RGS17: variants seen among roughly 807,000 people sequenced by gnomAD.
RGS17 encodes regulator of G-protein signaling 17.
RGS17 carries 12 observed loss-of-function variants against 25.5 expected under a neutral mutation model. The observed-to-expected ratio is 0.47, with a 90% confidence interval of 0.30 to 0.76. RGS17 has a LOEUF of 0.76. Among genes scored for constraint, RGS17 ranks in the 30% least tolerant of loss-of-function variants. The pLI is 0.07. For synonymous variants in RGS17, 71 were observed against 76.9 expected, an observed-to-expected ratio of 0.92 and a Z score of 0.40; for missense variants, 196 against 242.2, an observed-to-expected ratio of 0.81 and a Z score of 1.27.
chr6:153,115,616 A>G (rs1245698176), intron 1 of RGS17, among the ~76,000 whole-genome samples: 1 of 152,220 alleles, frequency 6.6e-6, no homozygotes, highest in Non-Finnish European at 1.5e-5. Flanking sequence ...CGTATAGCCA[A>G]GACAATCCTA....
At chr6:153,115,521 T>C (rs574775557) in intron 1 of RGS17, among the ~76,000 whole-genome samples, 2 of 152,324 alleles carry the variant, frequency 1.3e-5, no homozygotes, top group Non-Finnish European at 2.9e-5. Flanking sequence ...ATAGATTCAA[T>C]GCTATCCCCA....
chr6:153,128,513 C>A lies in RGS17; in HGVS notation c.-26+2611G>T, dbSNP rs377002071. Among the ~76,000 whole-genome samples the A allele has an allele frequency of 4.6e-5, 7 of 152,260 alleles. No individual in the cohort carries two copies. In the East Asian group the frequency reaches 7.7e-4, roughly 17 times the overall value. The stretch of plus-strand genomic sequence containing the variant: ...TCTGACACAAAGGCCATTATCTCTA[C>A]GGCTTTAGATTAAAAGGTAAAATCT... On this transcript the variant is annotated intron_variant, in intron 1 of 4. Transcript: ENST00000206262.
rs891184560 is a variant in RGS17, at chr6:153,130,690, C to A, written c.-26+434G>T. On this transcript the variant is annotated intron_variant, in intron 1 of 4. Coordinates refer to ENST00000206262, the MANE Select transcript of RGS17 (RefSeq NM_012419.5). The surrounding 1 kb of genome is among the most constrained non-coding windows in gnomAD (Gnocchi z 6.4). ...GCACATTCTCCTCGTTCCCAACCAACCGCACAAAACCCGCAACACCTCGCG... is the reference window on the plus strand; with the variant it reads ...GCACATTCTCCTCGTTCCCAACCAAACGCACAAAACCCGCAACACCTCGCG... Among the ~76,000 whole-genome samples the A allele has an allele frequency of 2.0e-5, 3 of 152,180 alleles. No homozygotes were observed. The highest frequency in any genetic ancestry group is 7.2e-5 in the African/African-American group (3 of 41,462).
At position 153,083,368 on chromosome 6, in the gene RGS17, A is replaced by AT. The variant is rs1777009974; in HGVS notation, c.-25-39326dup. Among the ~76,000 whole-genome samples the AT allele has an allele frequency of 2.0e-5, 3 of 152,314 alleles. No individual in the cohort carries two copies. In the South Asian group the frequency reaches 6.2e-4, roughly 32 times the overall value. ...AAAATAGTTACAGTTGTCATAATAGATTTTTTAAAATTCTCTTTTGGAAAA... is the reference window on the plus strand; with the variant it reads ...AAAATAGTTACAGTTGTCATAATAGATTTTTTTAAAATTCTCTTTTGGAAAA... On this transcript the variant is annotated intron_variant, in intron 1 of 4. Coordinates refer to ENST00000206262, the MANE Select transcript of RGS17 (RefSeq NM_012419.5).
Position 153,011,601 on chromosome 6 carries a change from A to G in RGS17, c.606T>C (p.Ser202=). 2 of 1,610,092 alleles carry G rather than the reference A, an allele frequency of 1.2e-6. No individual in the cohort carries two copies. Among genetic ancestry groups the G allele is most frequent in the Non-Finnish European group, 1.7e-6 (2 of 1,177,546 alleles). Residue 202 remains serine (S), a synonymous_variant, in exon 5 of 5, where the codon AGT becomes AGC. Coordinates refer to ENST00000206262, the MANE Select transcript of RGS17 (RefSeq NM_012419.5). ...NSQIYKSFVE[S]TAGSSSES ...AAGATTCAGAAGAAGAGCCAGCAGT[A>G]CTTTCAACAAATGACTTATAAATTT... is the stretch of plus-strand genomic sequence containing the variant.
At chr6:153,064,911 C>T (rs1344553445) in intron 1 of RGS17, among the ~76,000 whole-genome samples, 1 of 152,062 alleles carries the variant, frequency 6.6e-6, no homozygotes, top group Admixed American at 6.6e-5. Context: ...GACCACAGTA[C>T]AACCAGAAAA....
intron 1 of RGS17, among the ~76,000 whole-genome samples, chr6:153,121,250 C>A (rs1391315736): frequency 6.6e-6 from 1 of 152,172 alleles, no homozygotes; most frequent in Non-Finnish European, 1.5e-5. Flanking sequence ...TTTACCAATG[C>A]ACCGAAAGAC....
chr6:153,024,412 G>A lies in RGS17; in HGVS notation c.294C>T (p.Phe98=). The change falls in exon 4 of 5, where the codon TTC becomes TTT. Residue 98 remains phenylalanine (F), a synonymous_variant. Transcript: ENST00000206262. ...MMKAPAGRNL[F]REFLRTEYSE... is the part of the protein sequence containing the mutation. ...TGTATTCTGTTCGGAGGAACTCTCTGAAAAGGTTTCTTCCTGCTGGGGCCT... is the reference window on the plus strand; with the variant it reads ...TGTATTCTGTTCGGAGGAACTCTCTAAAAAGGTTTCTTCCTGCTGGGGCCT... 1 of 1,614,176 alleles carries A rather than the reference G, an allele frequency of 6.2e-7. No individual in the cohort carries two copies. The highest frequency in any genetic ancestry group is 8.5e-7 in the Non-Finnish European group (1 of 1,180,000).
intron 1 of RGS17, among the ~76,000 whole-genome samples, chr6:153,075,643 T>C (rs895712953): frequency 5.9e-5 from 9 of 152,172 alleles, no homozygotes; most frequent in African/African-American, 1.9e-4. Flanking sequence ...GAATGGTTAG[T>C]AGAGCCTAAG....
At chr6:153,083,854 A>G (rs1261053517) in intron 1 of RGS17, among the ~76,000 whole-genome samples, 3 of 152,194 alleles carry the variant, frequency 2.0e-5, no homozygotes, top group Admixed American at 1.3e-4. Flanking sequence ...CACATGAAAA[A>G]CTGTAATACA....
At chr6:153,113,905 G>C (rs967558023) in intron 1 of RGS17, among the ~76,000 whole-genome samples, 1 of 152,126 alleles carries the variant, frequency 6.6e-6, no homozygotes, top group Non-Finnish European at 1.5e-5. Context: ...CAAAGTACCA[G>C]AATCTCTGAG....
chr6:153,059,613 GA>G (rs1776608832), intron 1 of RGS17, among the ~76,000 whole-genome samples: 1 of 152,156 alleles, frequency 6.6e-6, no homozygotes, highest in Non-Finnish European at 1.5e-5. Flanking sequence ...AGGAATAAAA[GA>G]AACCCTATTT....
At chr6:153,129,579 C>A (rs1288321074) in intron 1 of RGS17, among the ~76,000 whole-genome samples, 4 of 152,168 alleles carry the variant, frequency 2.6e-5, no homozygotes, top group African/African-American at 9.7e-5. Context: ...GGGTTCATCA[C>A]CCGGAAAACC....
intron 1 of RGS17, among the ~76,000 whole-genome samples, chr6:153,079,950 T>A (rs554550008): frequency 6.6e-6 from 1 of 152,272 alleles, no homozygotes; most frequent in East Asian, 1.9e-4. Flanking sequence ...CCAAACTTAA[T>A]AGTTATAGAG....
rs1234911995 is a variant in RGS17, at chr6:153,005,643, C to G, written c.*5931G>C. 1 of 152,072 alleles carries G rather than the reference C, an allele frequency of 6.6e-6. No homozygotes were observed. The highest frequency in any genetic ancestry group is 1.5e-5 in the Non-Finnish European group (1 of 68,020). 9.4% of individuals were successfully genotyped at this position (152,072 alleles called of 1,614,324 possible). On this transcript the variant is annotated 3_prime_UTR_variant, in exon 5 of 5. Transcript: ENST00000206262. Reference sequence around the variant, plus strand: ...TTTACCGTTGTGTTCTTTCAAAAACCAAAAACCTGTGTCTAGTCACGAGAA... The same window carrying G: ...TTTACCGTTGTGTTCTTTCAAAAACGAAAAACCTGTGTCTAGTCACGAGAA...
chr6:153,122,266 T>C (rs1777643610), intron 1 of RGS17, among the ~76,000 whole-genome samples: 1 of 152,158 alleles, frequency 6.6e-6, no homozygotes, highest in Non-Finnish European at 1.5e-5. Flanking sequence ...CATACATATA[T>C]GCATACATTG....
intron 1 of RGS17, among the ~76,000 whole-genome samples, chr6:153,080,284 T>C (rs1185563817): frequency 6.6e-6 from 1 of 152,156 alleles, no homozygotes; most frequent in Non-Finnish European, 1.5e-5. Context: ...CCAGCCTCTG[T>C]TTCTCATTTT....
At chr6:153,071,598 A>G (rs1776803214) in intron 1 of RGS17, among the ~76,000 whole-genome samples, 1 of 152,328 alleles carries the variant, frequency 6.6e-6, no homozygotes, top group Non-Finnish European at 1.5e-5. Flanking sequence ...TATTAGATTT[A>G]ATAGACATAA....
chr6:153,044,572 A>G (rs1459067804), intron 1 of RGS17, among the ~76,000 whole-genome samples: 2 of 152,082 alleles, frequency 1.3e-5, no homozygotes, highest in Admixed American at 1.3e-4. Context: ...GGCACTTTTG[A>G]CTCATCCTCC....
Sources: gnomAD v4.1 joint callset for allele counts (sites outside exome capture counted in the v4.1 genomes callset) on GRCh38, gnomAD v4.1.1 for gene constraint, Gnocchi (gnomAD v3.1) non-coding constraint, MANE v1.5 for transcripts, NCBI Gene and HGNC (gene_info 2026-07-23, HGNC 2026-07-21) for gene names.